Variants in WRN observed in about 807,000 individuals in gnomAD.
WRN encodes WRN RecQ like helicase.
In WRN, 149 loss-of-function variants were observed where a neutral mutation model predicts 180.7. The ratio of observed to expected loss-of-function variants is 0.82; its 90% CI spans 0.72 to 0.94. The LOEUF (loss-of-function observed/expected upper bound fraction) is 0.94. Ranked by LOEUF, WRN falls within the 40% of genes least tolerant of loss-of-function variation. The probability of loss-of-function intolerance (pLI) is 0.00; values close to 1 mark genes in which losing one functional copy is unlikely to be tolerated. For synonymous variants in WRN, 548 were observed against 568.9 expected, an observed-to-expected ratio of 0.96 and a Z score of 0.52; for missense variants, 1,661 against 1,700.1, an observed-to-expected ratio of 0.98 and a Z score of 0.40.
intron 1 of WRN, among the ~76,000 whole-genome samples, chr8:31,037,006 G>A (rs1298902744): frequency 6.6e-6 from 1 of 152,172 alleles, no homozygotes; most frequent in African/African-American, 2.4e-5. Context: ...CAGGAGGGAG[G>A]GGATGGTTTC....
chr8:31,143,063 T>A (rs1389935604), intron 27 of WRN, among the ~76,000 whole-genome samples: 2,233 of 132,994 alleles, frequency 0.017, 55 homozygotes, highest in African/African-American at 0.058. Flanking sequence ...ACATTCTCTC[T>A]CTCTCTCTCT....
chr8:31,128,741 C>A (rs951062714), intron 23 of WRN, among the ~76,000 whole-genome samples: 3 of 152,128 alleles, frequency 2.0e-5, no homozygotes, highest in African/African-American at 7.2e-5. Context: ...TGCCTGTAGT[C>A]CCAGCTACTC....
chr8:31,092,012 T>G, intron 16 of WRN, 114 bp downstream of exon 16: 1 of 965,796 alleles, frequency 1.0e-6, no homozygotes, highest in Non-Finnish European at 1.6e-6. Flanking sequence ...TTTATGTCAT[T>G]TCTAATCATG....
intron 7 of WRN, among the ~76,000 whole-genome samples, chr8:31,075,481 G>A (rs919274943): frequency 6.6e-6 from 1 of 152,020 alleles, no homozygotes; most frequent in Non-Finnish European, 1.5e-5. Flanking sequence ...GGAGGCCAAG[G>A]TGGGCGGATC....
intron 7 of WRN, among the ~76,000 whole-genome samples, chr8:31,069,361 T>C (rs1287539842): frequency 6.6e-6 from 1 of 152,236 alleles, no homozygotes; most frequent in Non-Finnish European, 1.5e-5. Flanking sequence ...TGCCTGCTGG[T>C]TCTCTGTAGT....
At chr8:31,064,228 T>C in intron 3 of WRN, 61 bp from the exon 4 acceptor site, 6 of 1,594,552 alleles carry the variant, frequency 3.8e-6, no homozygotes, top group African/African-American at 1.3e-5. Flanking sequence ...ATTATGTCTT[T>C]AGTTATGCAG....
At chr8:31,096,874 G>A in intron 17 of WRN, 24 bp downstream of exon 17, 4 of 1,592,516 alleles carry the variant, frequency 2.5e-6, no homozygotes, top group Non-Finnish European at 3.4e-6. Context: ...AAAGATCTCT[G>A]TAAATACTTA....
chr8:31,110,120 T>TGAGA (rs10641376), intron 18 of WRN, among the ~76,000 whole-genome samples: 149,883 of 152,234 alleles, frequency 0.98, 73,839 homozygotes, highest in East Asian at 1. Context: ...TGCTTTACTG[T>TGAGA]GTGAGAATGT....
intron 32 of WRN, among the ~76,000 whole-genome samples, chr8:31,156,263 G>A (rs950872876): frequency 1.3e-5 from 2 of 152,156 alleles, no homozygotes; most frequent in Non-Finnish European, 2.9e-5. Flanking sequence ...TGTATTCATG[G>A]TTAAAAATGT....
intron 18 of WRN, among the ~76,000 whole-genome samples, chr8:31,103,842 C>T (rs959827147): frequency 6.6e-6 from 1 of 152,134 alleles, no homozygotes; most frequent in African/African-American, 2.4e-5. Context: ...TCACGCCATT[C>T]TCCTGCCTCA....
In WRN at chr8:31,081,205, T is replaced by C. The variant is rs1322387323; in HGVS notation, c.1178T>C (p.Met393Thr). 1.9e-6 allele frequency: 3 copies of C among 1,613,812 alleles called. No homozygotes were observed. The Admixed American group carries it at 5.0e-5, about 27-fold the overall frequency. Residue 393 changes from methionine to threonine, a missense_variant, in exon 9 of 35, where the codon ATG (methionine) becomes ACG (threonine). By Grantham distance (81) the Met-to-Thr change is moderately conservative (BLOSUM62 -1). Coordinates refer to ENST00000298139, the MANE Select transcript of WRN (RefSeq NM_000553.6). ...LKENMERACL[M>T]SLDITEHELQ... ...GAGAATATGGAAAGAGCTTGTTTGATGTCGTTAGATATTACAGAACATGAA... is the reference window on the plus strand; with the variant it reads ...GAGAATATGGAAAGAGCTTGTTTGACGTCGTTAGATATTACAGAACATGAA...
intron 18 of WRN, among the ~76,000 whole-genome samples, chr8:31,102,447 T>TA (rs1324706364): frequency 3.3e-5 from 5 of 152,220 alleles, no homozygotes; most frequent in Non-Finnish European, 7.3e-5. Flanking sequence ...AACATGGACT[T>TA]ACACAAACCT....
chr8:31,041,557 A>C (rs1811658648), intron 1 of WRN, among the ~76,000 whole-genome samples: 1 of 152,200 alleles, frequency 6.6e-6, no homozygotes, highest in African/African-American at 2.4e-5. Flanking sequence ...TATGGGTACA[A>C]ATATAATTAT....
chr8:31,118,012 A>G (rs1365511127), intron 20 of WRN, among the ~76,000 whole-genome samples: 2 of 152,208 alleles, frequency 1.3e-5, no homozygotes, highest in East Asian at 3.8e-4. Context: ...TAACTGACCA[A>G]TGGTTTCTTC....
chr8:31,124,418 G>A, intron 21 of WRN, 104 bp from the exon 22 acceptor site: 2 of 892,168 alleles, frequency 2.2e-6, no homozygotes, highest in Non-Finnish European at 1.8e-6. Context: ...TGGGGTGTGG[G>A]TTTTGTAGAT....
chr8:31,098,991 G>A (rs1814102088), intron 17 of WRN, among the ~76,000 whole-genome samples: 1 of 151,770 alleles, frequency 6.6e-6, no homozygotes, highest in Non-Finnish European at 1.5e-5. Context: ...GACCAGCCTG[G>A]GCAACACAGT....
At chr8:31,143,024 G>GACACACACAC (rs10529735) in intron 27 of WRN, among the ~76,000 whole-genome samples, 33 of 136,606 alleles carry the variant, frequency 2.4e-4, no homozygotes, top group African/African-American at 4.9e-4. Context: ...TCTTATTAAA[G>GACACACACAC]ACACACACAC....
chr8:31,076,331 T>G (rs1370811291), intron 8 of WRN, 44 bp downstream of exon 8: 2 of 1,484,602 alleles, frequency 1.3e-6, no homozygotes, highest in African/African-American at 2.8e-5. Context: ...TCAATTCTGT[T>G]TATTTTTTTA....
chr8:31,175,454 T>C lies in WRN; in HGVS notation c.*2352T>C, dbSNP rs553523138. Among the ~76,000 whole-genome samples the C allele has an allele frequency of 3.3e-5, 5 of 152,232 alleles. No homozygotes were observed. Among genetic ancestry groups the C allele is most frequent in the South Asian group, 4.1e-4 (2 of 4,826 alleles). On this transcript the variant is annotated 3_prime_UTR_variant, in exon 35 of 35. Transcript: ENST00000298139. The stretch of plus-strand genomic sequence containing the variant: ...GTCTCAAAAATAAAAAAAGAAATCA[T>C]GACTGGGTAAAAGATCTGTTCAGAG...
Sources: gnomAD v4.1 joint callset for allele counts (sites outside exome capture counted in the v4.1 genomes callset) on GRCh38, gnomAD v4.1.1 for gene constraint, MANE v1.5 for transcripts, NCBI Gene and HGNC (gene_info 2026-07-23, HGNC 2026-07-21) for gene names.